CXCL13: variants seen among roughly 807,000 people sequenced by gnomAD.
CXCL13 encodes C-X-C motif chemokine ligand 13, also known as C-X-C motif chemokine 13.
CXCL13 carries 7 observed loss-of-function variants against 12.2 expected under a neutral mutation model. The observed-to-expected ratio is 0.57, with a 90% CI of 0.33 to 1.07. The LOEUF is 1.07. CXCL13 is among the 50% of genes least tolerant of loss of function. The pLI, the probability that CXCL13 is intolerant of heterozygous loss-of-function variation, is 0.04. For synonymous variants in CXCL13, 47 were observed against 42.4 expected, an observed-to-expected ratio of 1.11 and a Z score of -0.42; for missense variants, 113 against 127.4, an observed-to-expected ratio of 0.89 and a Z score of 0.55.
chr4:77,533,319 G>A (rs1724977831), intron 1 of CXCL13, among the ~76,000 whole-genome samples: 1 of 152,168 alleles, frequency 6.6e-6, no homozygotes, highest in Non-Finnish European at 1.5e-5. Context: ...TGTTTGCCTG[G>A]GTATCAGCAG....
At chr4:77,518,260 A>T (rs2110078661) in intron 1 of CXCL13, among the ~76,000 whole-genome samples, 1 of 152,180 alleles carries the variant, frequency 6.6e-6, no homozygotes, top group South Asian at 2.1e-4. Flanking sequence ...GGTAAATCTG[A>T]CAATTCTGTG....
At chr4:77,556,298 A>G (rs1002903956) in intron 1 of CXCL13, among the ~76,000 whole-genome samples, 1 of 152,198 alleles carries the variant, frequency 6.6e-6, no homozygotes, top group Non-Finnish European at 1.5e-5. Flanking sequence ...TGATATACAG[A>G]GTGTGGATCT....
chr4:77,610,459 A>G (rs936149629), intron 2 of CXCL13, among the ~76,000 whole-genome samples, 155 bp from the exon 3 acceptor site: 11 of 152,158 alleles, frequency 7.2e-5, no homozygotes, highest in African/African-American at 1.7e-4. Context: ...CTCTGACCCC[A>G]TACTACAAAT....
At chr4:77,585,843 C>T (rs1369343999) in intron 1 of CXCL13, among the ~76,000 whole-genome samples, 1 of 149,396 alleles carries the variant, frequency 6.7e-6, no homozygotes, top group Non-Finnish European at 1.5e-5. Flanking sequence ...ACGCGGCAGG[C>T]CTCATCATGA....
chr4:77,534,600 T>C (rs1401481144), intron 1 of CXCL13, among the ~76,000 whole-genome samples: 1 of 152,254 alleles, frequency 6.6e-6, no homozygotes, highest in Non-Finnish European at 1.5e-5. Context: ...CTGGGTATTA[T>C]TTCAGTTGAA....
At chr4:77,575,300 T>A (rs1042480097) in intron 1 of CXCL13, among the ~76,000 whole-genome samples, 6 of 152,070 alleles carry the variant, frequency 3.9e-5, no homozygotes, top group Admixed American at 6.5e-5. Flanking sequence ...CCAACTTTTT[T>A]ATTTTTTTAT....
At chr4:77,609,927 GTAA>G (rs1727104790) in intron 2 of CXCL13, among the ~76,000 whole-genome samples, 1 of 152,188 alleles carries the variant, frequency 6.6e-6, no homozygotes, top group African/African-American at 2.4e-5. Flanking sequence ...AGGTAAGGAA[GTAA>G]TAATTTCTCC....
At chr4:77,606,076 G>T (rs987674751) in intron 1 of CXCL13, 147 bp downstream of exon 1, 26 of 460,408 alleles carry the variant, frequency 5.6e-5, no homozygotes, top group African/African-American at 5.0e-4. Flanking sequence ...AAAGTAAGGT[G>T]TTTAGGAATT....
chr4:77,517,840 A>C (rs917126112), intron 1 of CXCL13, among the ~76,000 whole-genome samples: 1 of 152,080 alleles, frequency 6.6e-6, no homozygotes, highest in Non-Finnish European at 1.5e-5. Context: ...GTGAATTTGA[A>C]CCAGTCATTA....
chr4:77,527,241 C>T (rs1225041629), intron 1 of CXCL13, among the ~76,000 whole-genome samples: 3 of 152,110 alleles, frequency 2.0e-5, no homozygotes, highest in Admixed American at 6.6e-5. Flanking sequence ...ATGCTGATGA[C>T]ACTAAGTGCT....
At chr4:77,534,740 G>C (rs996927165) in intron 1 of CXCL13, among the ~76,000 whole-genome samples, 2 of 152,184 alleles carry the variant, frequency 1.3e-5, no homozygotes, top group African/African-American at 4.8e-5. Flanking sequence ...CCTCAGGTGT[G>C]CCACTTAATC....
At chr4:77,585,053 G>A (rs1305686365) in intron 1 of CXCL13, among the ~76,000 whole-genome samples, 1 of 152,118 alleles carries the variant, frequency 6.6e-6, no homozygotes, top group Non-Finnish European at 1.5e-5. Flanking sequence ...ATGAGCTCAT[G>A]ACTACTTGCA....
intron 1 of CXCL13, among the ~76,000 whole-genome samples, chr4:77,519,689 CT>C: frequency 6.6e-6 from 1 of 152,248 alleles, no homozygotes; most frequent in South Asian, 2.1e-4. Flanking sequence ...ATGGTAGTTT[CT>C]TTTGCTGTGC....
intron 1 of CXCL13, among the ~76,000 whole-genome samples, chr4:77,590,778 T>C (rs1480416554): frequency 3.3e-5 from 5 of 152,234 alleles, no homozygotes; most frequent in African/African-American, 1.2e-4. Context: ...CAGGCCCCAG[T>C]ACAGGGCCAG....
upstream of CXCL13, among the ~76,000 whole-genome samples, chr4:77,603,089 C>T (rs1005090503): frequency 6.6e-6 from 1 of 152,152 alleles, no homozygotes; most frequent in Non-Finnish European, 1.5e-5. Context: ...TTAGGAGTTT[C>T]CTAGGTTTAT....
At chr4:77,545,497 C>T (rs565943638) in intron 1 of CXCL13, among the ~76,000 whole-genome samples, 8 of 152,178 alleles carry the variant, frequency 5.3e-5, no homozygotes, top group Admixed American at 1.3e-4. Flanking sequence ...GTATTTTATT[C>T]TCTTTGAAGC....
chr4:77,533,283 G>A (rs966402634), intron 1 of CXCL13, among the ~76,000 whole-genome samples: 1 of 152,224 alleles, frequency 6.6e-6, no homozygotes, highest in Non-Finnish European at 1.5e-5. Context: ...GTCTGTTGGA[G>A]TTTGCTGGAG....
intron 1 of CXCL13, among the ~76,000 whole-genome samples, chr4:77,583,380 A>C (rs1192251361): frequency 6.6e-6 from 1 of 151,606 alleles, no homozygotes; most frequent in Non-Finnish European, 1.5e-5. Flanking sequence ...TTGCTCCCTT[A>C]CTCCTGCCAC....
chr4:77,534,826 C>T (rs959879918), intron 1 of CXCL13, among the ~76,000 whole-genome samples: 5 of 152,166 alleles, frequency 3.3e-5, no homozygotes, highest in Admixed American at 1.3e-4. Context: ...CTCTTTGCTT[C>T]TACAATTCCA....
Sources: gnomAD v4.1 joint callset for allele counts (sites outside exome capture counted in the v4.1 genomes callset) on GRCh38, gnomAD v4.1.1 for gene constraint, MANE v1.5 for transcripts, NCBI Gene and HGNC (gene_info 2026-07-23, HGNC 2026-07-21) for gene names.